TBC1D2B: variants seen among roughly 807,000 people sequenced by gnomAD.
The protein encoded by TBC1D2B is TBC1 domain family, member 2B.
In TBC1D2B, 64 loss-of-function variants were observed where a neutral mutation model predicts 100.8. The ratio of observed to expected loss-of-function variants is 0.64; its 90% CI spans 0.52 to 0.78. TBC1D2B has a LOEUF of 0.78. Among genes scored for constraint, TBC1D2B ranks in the 30% least tolerant of loss-of-function variants. TBC1D2B has a pLI of 0.00. For synonymous variants in TBC1D2B, 480 were observed against 479.7 expected (o/e 1.00, Z -0.01); for missense variants, 1,052 against 1,218.4 (o/e 0.86, Z 2.03).
intron 12 of TBC1D2B, chr15:77,999,379 A>G (rs1462684361): frequency 2.3e-6 from 1 of 435,246 alleles, no homozygotes; most frequent in Admixed American, 2.4e-5. Context: ...GTTTCAAAAC[A>G]CCCACTACTA....
intron 10 of TBC1D2B, 123 bp from the exon 11 acceptor site, chr15:78,003,613 A>G: frequency 1.5e-6 from 1 of 688,196 alleles, no homozygotes; most frequent in Non-Finnish European, 2.5e-6. Context: ...CAACTGTTCC[A>G]AATGCACCGT....
intron 3 of TBC1D2B, among the ~76,000 whole-genome samples, chr15:78,040,803 AAG>A (rs1228214138): frequency 3.4e-5 from 5 of 148,812 alleles, no homozygotes; most frequent in Middle Eastern, 3.4e-3. Context: ...GAAGGAAAGA[AAG>A]AAAGAAAAAG....
chr15:78,053,253 G>A (rs1382529433), intron 2 of TBC1D2B, among the ~76,000 whole-genome samples: 1 of 152,206 alleles, frequency 6.6e-6, no homozygotes, highest in Admixed American at 6.5e-5. Flanking sequence ...GAAACTGTTA[G>A]AACTAGTCCT....
chr15:78,025,814 C>A (rs375297059), intron 4 of TBC1D2B, among the ~76,000 whole-genome samples: 7 of 152,272 alleles, frequency 4.6e-5, no homozygotes, highest in East Asian at 3.9e-4. Flanking sequence ...GCGTGAGCCA[C>A]CGTGCCCGGC....
At chr15:78,039,473 A>T (rs576923298) in intron 3 of TBC1D2B, among the ~76,000 whole-genome samples, 2 of 152,178 alleles carry the variant, frequency 1.3e-5, no homozygotes, top group African/African-American at 4.8e-5. Flanking sequence ...CCCGCAGAAG[A>T]CCTATGGGAG....
intron 12 of TBC1D2B, among the ~76,000 whole-genome samples, chr15:77,999,800 C>A (rs2071863840): frequency 6.6e-6 from 1 of 152,222 alleles, no homozygotes; most frequent in Non-Finnish European, 1.5e-5. Flanking sequence ...ACCCGGGACG[C>A]CAGACCCCAC....
chr15:78,011,988 T>G (rs1483683488), intron 9 of TBC1D2B, among the ~76,000 whole-genome samples: 1 of 151,372 alleles, frequency 6.6e-6, no homozygotes, highest in African/African-American at 2.4e-5. Context: ...TTGCCCAGGC[T>G]GGTTTCAAAC....
At chr15:78,034,445 C>T (rs1474759512) in intron 3 of TBC1D2B, 52 of 969,278 alleles carry the variant, frequency 5.4e-5, no homozygotes, top group East Asian at 1.1e-4. Context: ...CTACCACCAC[C>T]GTCAATTTTA....
intron 1 of TBC1D2B, among the ~76,000 whole-genome samples, chr15:78,068,496 G>A (rs370395238): frequency 2.6e-5 from 4 of 151,986 alleles, no homozygotes; most frequent in African/African-American, 9.6e-5. Flanking sequence ...AAGTATGAAA[G>A]GCACAGTAGT....
chr15:78,015,058 G>A (rs61183047), intron 8 of TBC1D2B, among the ~76,000 whole-genome samples: 8,707 of 152,094 alleles, frequency 0.057, 357 homozygotes, highest in East Asian at 0.23. Context: ...AAAATTAGCC[G>A]GGCGTGGTGG....
intron 8 of TBC1D2B, among the ~76,000 whole-genome samples, chr15:78,013,889 T>A (rs534576213): frequency 1.0e-3 from 158 of 152,350 alleles, no homozygotes; most frequent in African/African-American, 3.7e-3. Context: ...AGGAGATTAT[T>A]TGGGATATCT....
At position 78,077,277 on chromosome 15, in the gene TBC1D2B, G is replaced by C. The variant is rs1351526458; in HGVS notation, c.360+16C>G. On this transcript the variant is annotated intron_variant, in intron 1 of 12. Coordinates refer to ENST00000300584, the MANE Select transcript of TBC1D2B (RefSeq NM_144572.2). Reference sequence around the variant, plus strand: ...CGGCGGAAGCGCGCGGGCGGCTTTGGGGCGAGCGGTCCCACCTTGAGCACC... The same window carrying C: ...CGGCGGAAGCGCGCGGGCGGCTTTGCGGCGAGCGGTCCCACCTTGAGCACC... The C allele has an allele frequency of 1.4e-6, 2 of 1,452,424 alleles. No homozygotes were observed. The highest frequency in any genetic ancestry group is 2.5e-4 in the Middle Eastern group (1 of 4,068). The allele number at this position is 1,452,424 out of a possible 1,614,324, so 90.0% of individuals were successfully genotyped here.
At position 77,997,836 on chromosome 15, in the gene TBC1D2B, G is replaced by A. The variant is rs2071802924; in HGVS notation, c.*324C>T. 4.5e-6 allele frequency: 1 copy of A among 224,450 alleles called. No individual in the cohort carries two copies. The highest frequency in any genetic ancestry group is 1.0e-4 in the South Asian group (1 of 9,976). 13.9% of individuals were successfully genotyped at this position (224,450 alleles called of 1,614,324 possible). A position where few individuals can be genotyped will look rare whatever the true frequency, so the allele number is the denominator to read the frequency against. ...TGCCCAGCAAAGCAAGGTTTCAGAG[G>A]GTCAGAGCACCGACAGGCTGACGGA... On this transcript the variant is annotated 3_prime_UTR_variant, in exon 13 of 13. Coordinates refer to ENST00000300584, the MANE Select transcript of TBC1D2B (RefSeq NM_144572.2).
intron 3 of TBC1D2B, among the ~76,000 whole-genome samples, chr15:78,042,712 A>C (rs1367423229): frequency 6.6e-6 from 1 of 152,164 alleles, no homozygotes; most frequent in African/African-American, 2.4e-5. Context: ...AGGTTCTGGG[A>C]TGAAGAGGAA....
At chr15:78,017,295 T>C (rs2072401431) in intron 7 of TBC1D2B, 1 of 153,818 alleles carries the variant, frequency 6.5e-6, no homozygotes, top group Admixed American at 6.5e-5. Flanking sequence ...TGATGACAGC[T>C]GAAATGTTTG....
At chr15:78,034,567 G>A (rs552948189) in intron 3 of TBC1D2B, 26 of 985,222 alleles carry the variant, frequency 2.6e-5, no homozygotes, top group African/African-American at 3.5e-5. Flanking sequence ...ACCCCCACAC[G>A]GCCTGGGGAG....
At chr15:78,044,837 TATAAC>T (rs758613562) in intron 3 of TBC1D2B, 58 bp downstream of exon 3, 53 of 1,383,432 alleles carry the variant, frequency 3.8e-5, no homozygotes, top group African/African-American at 1.0e-4. Context: ...TTTATAAAAT[TATAAC>T]ATACATTATC....
chr15:78,037,982 A>T (rs929185693), intron 3 of TBC1D2B, among the ~76,000 whole-genome samples: 7 of 152,194 alleles, frequency 4.6e-5, no homozygotes, highest in African/African-American at 1.7e-4. Flanking sequence ...GCTGAGAGGA[A>T]CTGTCGTCCT....
intron 2 of TBC1D2B, among the ~76,000 whole-genome samples, chr15:78,047,412 C>T (rs1386416858): frequency 6.6e-6 from 1 of 152,086 alleles, no homozygotes; most frequent in East Asian, 1.9e-4. Context: ...AAAACAGTAA[C>T]ATGTCAAGCT....
Sources: allele counts gnomAD v4.1 joint callset (sites outside exome capture counted in the v4.1 genomes callset), GRCh38; gene constraint gnomAD v4.1.1; transcripts MANE v1.5; gene names NCBI Gene and HGNC (gene_info 2026-07-23, HGNC 2026-07-21).